Variants in MBD5 observed in about 807,000 individuals in gnomAD.
MBD5 encodes the protein methyl-CpG binding domain protein 5.
MBD5 carries 13 observed loss-of-function variants against 117.3 expected under a neutral mutation model. That is an observed-to-expected ratio of 0.11 (90% CI 0.07 to 0.18). The LOEUF (loss-of-function observed/expected upper bound fraction) is 0.18. Ranked by LOEUF, MBD5 falls within the 10% of genes least tolerant of loss-of-function variation. MBD5 has a pLI of 1.00. For missense variants in MBD5, 1,879 were observed against 2,093.8 expected (o/e 0.90, Z 2.00); for synonymous variants, 727 against 766.4 (o/e 0.95, Z 0.85).
intron 4 of MBD5, among the ~76,000 whole-genome samples, chr2:148,362,566 C>T (rs1365794243): frequency 6.6e-6 from 1 of 152,160 alleles, no homozygotes; most frequent in African/African-American, 2.4e-5. Context: ...CAGCTTCAGC[C>T]AACTTAAAGG....
chr2:148,028,992 G>A (rs545185930), intron 1 of MBD5, among the ~76,000 whole-genome samples: 51 of 152,142 alleles, frequency 3.4e-4, no homozygotes, highest in Non-Finnish European at 6.9e-4. Flanking sequence ...GATGGTATTA[G>A]AATGCAGGCC....
intron 1 of MBD5, among the ~76,000 whole-genome samples, chr2:148,126,126 GGCTCACACCTGTAATCCCAA>G (rs1696883240): frequency 1.3e-5 from 2 of 152,082 alleles, no homozygotes; most frequent in African/African-American, 2.4e-5. Flanking sequence ...TGGGCGCAGT[GGCTCACACCTGTAATCCCAA>G]GCCCTTTGGG....
chr2:148,248,368 T>C (rs1232420200), intron 3 of MBD5, among the ~76,000 whole-genome samples: 1 of 152,100 alleles, frequency 6.6e-6, no homozygotes, highest in Non-Finnish European at 1.5e-5. Context: ...ACATAAGTGA[T>C]ACCAAAAAAC....
intron 4 of MBD5, among the ~76,000 whole-genome samples, chr2:148,438,390 T>G (rs1206824849): frequency 6.6e-6 from 1 of 152,222 alleles, no homozygotes; most frequent in Non-Finnish European, 1.5e-5. Context: ...TAAGCAATTT[T>G]CTGCTTTCAC....
At chr2:148,242,994 ACT>A in intron 3 of MBD5, among the ~76,000 whole-genome samples, 1 of 151,966 alleles carries the variant, frequency 6.6e-6, no homozygotes, top group African/African-American at 2.4e-5. Flanking sequence ...GGTTGCATTA[ACT>A]CTCTCTGTAA....
chr2:148,052,813 C>T (rs1336061516), intron 1 of MBD5, among the ~76,000 whole-genome samples: 2 of 151,566 alleles, frequency 1.3e-5, no homozygotes, highest in African/African-American at 2.4e-5. Flanking sequence ...TTTTCTATGC[C>T]ATAAACATGT....
At chr2:148,188,081 T>TGA (rs1698711955) in intron 2 of MBD5, among the ~76,000 whole-genome samples, 1 of 152,222 alleles carries the variant, frequency 6.6e-6, no homozygotes, top group African/African-American at 2.4e-5. Flanking sequence ...CAAAACTTAT[T>TGA]GAGTGCCTAC....
At chr2:148,202,126 G>A (rs994606615) in intron 2 of MBD5, among the ~76,000 whole-genome samples, 1 of 152,208 alleles carries the variant, frequency 6.6e-6, no homozygotes, top group Non-Finnish European at 1.5e-5. Context: ...CATAAACAGT[G>A]AAGGAGATGG....
Position 148,330,115 on chromosome 2 carries a change from A to ACACACACACACACT in MBD5, c.-679-12096_-679-12095insACACACACACTCAC, listed in dbSNP as rs148068244. ...CACACACACACACACACACACACAC[A>ACACACACACACACT]CACTCTACCTTAGGCCAAAAAAGGG... On this transcript the variant is annotated intron_variant, in intron 3 of 13. Transcript: ENST00000642680. 4.9e-4 allele frequency among the ~76,000 whole-genome samples: 63 copies of ACACACACACACACT among 127,514 alleles called. 1 individual carries two copies. The highest frequency in any genetic ancestry group is 3.8e-3 in the Middle Eastern group (1 of 262). 83.7% of individuals were successfully genotyped at this position (127,514 alleles called of 152,430 possible). A position where few individuals can be genotyped will look rare whatever the true frequency, so the allele number is the denominator to read the frequency against.
At chr2:148,394,635 TTA>T (rs1704657433) in intron 4 of MBD5, among the ~76,000 whole-genome samples, 1 of 151,654 alleles carries the variant, frequency 6.6e-6, no homozygotes, top group Non-Finnish European at 1.5e-5. Flanking sequence ...AAAAGTATGC[TTA>T]TGTTATTAAT....
intron 4 of MBD5, among the ~76,000 whole-genome samples, chr2:148,359,902 G>A (rs968913765): frequency 2.0e-5 from 3 of 152,060 alleles, no homozygotes; most frequent in Non-Finnish European, 4.4e-5. Context: ...GTTATATGTG[G>A]TAGCAGTTTT....
chr2:148,510,269 C>A, intron 13 of MBD5, 134 bp downstream of exon 13: 1 of 661,514 alleles, frequency 1.5e-6, no homozygotes. Flanking sequence ...AAAAAAAAGA[C>A]AAATATTAGA....
intron 3 of MBD5, among the ~76,000 whole-genome samples, chr2:148,249,649 C>T (rs956731166): frequency 2.0e-5 from 3 of 152,140 alleles, no homozygotes; most frequent in Non-Finnish European, 4.4e-5. Flanking sequence ...CCTGACATGA[C>T]TTATATAAAT....
intron 4 of MBD5, among the ~76,000 whole-genome samples, chr2:148,367,112 A>G (rs1703723802): frequency 6.6e-6 from 1 of 152,222 alleles, no homozygotes; most frequent in South Asian, 2.1e-4. Context: ...ACAGCATGGT[A>G]CTGGTATCAA....
intron 1 of MBD5, among the ~76,000 whole-genome samples, chr2:148,033,984 A>T (rs1694115101): frequency 6.6e-6 from 1 of 152,194 alleles, no homozygotes; most frequent in Non-Finnish European, 1.5e-5. Context: ...CGGAAAGCTT[A>T]TTAGAATGTT....
chr2:148,398,599 G>C (rs1026620478), intron 4 of MBD5, among the ~76,000 whole-genome samples: 1 of 152,102 alleles, frequency 6.6e-6, no homozygotes, highest in Non-Finnish European at 1.5e-5. Flanking sequence ...CCATTCTGTA[G>C]GTTGCCTGTT....
chr2:148,490,676 T>G (rs1207242427), intron 11 of MBD5, 82 bp downstream of exon 11: 13 of 1,552,818 alleles, frequency 8.4e-6, no homozygotes, highest in Non-Finnish European at 9.7e-6. Flanking sequence ...CACTTTGGAT[T>G]CTTTGGATTT....
chr2:148,133,767 G>A (rs939659624), intron 1 of MBD5, among the ~76,000 whole-genome samples: 2 of 152,116 alleles, frequency 1.3e-5, no homozygotes, highest in African/African-American at 2.4e-5. Context: ...AGGTTGCAGT[G>A]AACTGAGATT....
chr2:148,040,755 C>T lies in MBD5; in HGVS notation c.-925+19071C>T, dbSNP rs189924295. ...TGGCAGTAGTTTTTGTTTTTGCGTG[C>T]GTTTTTCTCCTAGGTCTGGAATAAC... On this transcript the variant is annotated intron_variant, in intron 1 of 13. Transcript: ENST00000642680. Among the ~76,000 whole-genome samples the T allele has an allele frequency of 2.6e-4, 39 of 152,160 alleles. No homozygotes were observed. The East Asian group carries it at 6.6e-3, about 26-fold the overall frequency.
Sources: allele counts gnomAD v4.1 joint callset (sites outside exome capture counted in the v4.1 genomes callset), GRCh38; gene constraint gnomAD v4.1.1; transcripts MANE v1.5; gene names NCBI Gene and HGNC (gene_info 2026-07-23, HGNC 2026-07-21).